The following GPC6 variants were observed in gnomAD, a reference collection of about 807,000 sequenced individuals.
GPC6 encodes the protein glypican 6.
A neutral mutation model predicts 55.2 loss-of-function variants in GPC6; 14 were observed. That is an observed-to-expected ratio of 0.25 (90% confidence interval 0.17 to 0.40). GPC6 has a LOEUF of 0.40. GPC6 is among the 10% of genes least tolerant of loss of function. The pLI, the probability that GPC6 is intolerant of heterozygous loss-of-function variation, is 1.00. For synonymous variants in GPC6, 278 were observed against 259.6 expected (o/e 1.07, Z -0.68); for missense variants, 641 against 708.5 (o/e 0.90, Z 1.08).
intron 3 of GPC6, among the ~76,000 whole-genome samples, chr13:93,956,280 A>G (rs1879504789): frequency 6.6e-6 from 1 of 152,088 alleles, no homozygotes; most frequent in African/African-American, 2.4e-5. Context: ...ATAGTACATA[A>G]TACATAATAC....
At chr13:93,573,410 C>T (rs145494891) in intron 2 of GPC6, among the ~76,000 whole-genome samples, 2 of 152,112 alleles carry the variant, frequency 1.3e-5, no homozygotes, top group East Asian at 1.9e-4. Context: ...TATTTGTAGA[C>T]TGTATGGTGG....
chr13:94,014,881 A>G (rs1190198738), intron 3 of GPC6, among the ~76,000 whole-genome samples: 4 of 152,156 alleles, frequency 2.6e-5, no homozygotes, highest in African/African-American at 9.7e-5. Context: ...ATTCCTTTTA[A>G]TTGGTGAATA....
chr13:94,096,506 T>C (rs554010246), intron 4 of GPC6, among the ~76,000 whole-genome samples: 2 of 152,312 alleles, frequency 1.3e-5, no homozygotes, highest in African/African-American at 4.8e-5. Context: ...TTATCACATA[T>C]GATTTTTTTC....
chr13:94,244,002 A>G (rs1891127714), intron 4 of GPC6, among the ~76,000 whole-genome samples: 1 of 152,166 alleles, frequency 6.6e-6, no homozygotes, highest in Non-Finnish European at 1.5e-5. Flanking sequence ...ATTATTTTCT[A>G]AAAAGTAAAA....
intron 4 of GPC6, among the ~76,000 whole-genome samples, chr13:94,042,822 C>T (rs1883589218): frequency 6.6e-6 from 1 of 151,882 alleles, no homozygotes; most frequent in African/African-American, 2.4e-5. Flanking sequence ...GTAGTATTTG[C>T]ATACTGGTGA....
At chr13:93,519,099 A>G (rs1049467405) in intron 1 of GPC6, among the ~76,000 whole-genome samples, 6 of 152,024 alleles carry the variant, frequency 3.9e-5, no homozygotes, top group African/African-American at 1.4e-4. Context: ...AGCCTAAAGT[A>G]TTTTTCTAAA....
chr13:93,523,115 G>T (rs1881489508), intron 1 of GPC6, among the ~76,000 whole-genome samples: 1 of 148,808 alleles, frequency 6.7e-6, no homozygotes, highest in South Asian at 2.1e-4. Context: ...ACACACGTGT[G>T]TATATATGTA....
At chr13:94,138,296 T>G (rs1401296355) in intron 4 of GPC6, among the ~76,000 whole-genome samples, 2 of 152,208 alleles carry the variant, frequency 1.3e-5, no homozygotes, top group Admixed American at 1.3e-4. Flanking sequence ...ATAAGGGATA[T>G]TCAAACTGTA....
At chr13:94,180,916 A>G (rs1295902509) in intron 4 of GPC6, among the ~76,000 whole-genome samples, 1 of 152,028 alleles carries the variant, frequency 6.6e-6, no homozygotes, top group Non-Finnish European at 1.5e-5. Flanking sequence ...GACTGAAACA[A>G]GGAGGCTTTA....
intron 1 of GPC6, among the ~76,000 whole-genome samples, chr13:93,419,824 A>G (rs901882222): frequency 6.6e-6 from 1 of 152,122 alleles, no homozygotes; most frequent in Non-Finnish European, 1.5e-5. Flanking sequence ...CTGTTTCTAC[A>G]TTAAACGTTT....
intron 3 of GPC6, among the ~76,000 whole-genome samples, chr13:93,965,102 GTTTGTTTTTTTTTT>G (rs1366299908): frequency 4.4e-5 from 5 of 113,336 alleles, no homozygotes; most frequent in Admixed American, 4.0e-4. Context: ...AACACTATGA[GTTTGTTTTTTTTTT>G]TTTTTTTTTT....
At chr13:93,355,109 C>G (rs1232325400) in intron 1 of GPC6, among the ~76,000 whole-genome samples, 1 of 152,188 alleles carries the variant, frequency 6.6e-6, no homozygotes, top group African/African-American at 2.4e-5. Flanking sequence ...AAAATATAAG[C>G]AGCCATTATT....
chr13:94,129,080 A>G (rs1886923904), intron 4 of GPC6, among the ~76,000 whole-genome samples: 1 of 152,158 alleles, frequency 6.6e-6, no homozygotes, highest in African/African-American at 2.4e-5. Context: ...GAAGTTATTA[A>G]ATTGTGGCAT....
intron 3 of GPC6, among the ~76,000 whole-genome samples, chr13:93,952,854 G>A (rs1054945787): frequency 4.9e-5 from 7 of 144,208 alleles, no homozygotes; most frequent in African/African-American, 5.1e-5. Flanking sequence ...ATATATATAC[G>A]TATATATATG....
chr13:93,629,359 A>G (rs1350322162), intron 2 of GPC6, among the ~76,000 whole-genome samples: 3 of 152,274 alleles, frequency 2.0e-5, no homozygotes, highest in East Asian at 3.9e-4. Flanking sequence ...TTGAATGATT[A>G]TACTTATTAT....
At chr13:93,617,791 C>A (rs1479057673) in intron 2 of GPC6, among the ~76,000 whole-genome samples, 1 of 152,054 alleles carries the variant, frequency 6.6e-6, no homozygotes, top group Non-Finnish European at 1.5e-5. Flanking sequence ...ACTCTATAAC[C>A]TATTTGCTCT....
At chr13:93,865,697 C>T (rs1458117236) in intron 3 of GPC6, among the ~76,000 whole-genome samples, 1 of 151,668 alleles carries the variant, frequency 6.6e-6, no homozygotes, top group Non-Finnish European at 1.5e-5. Context: ...TTCTCATGCC[C>T]TGCAACTTTC....
At chr13:94,141,464 A>G (rs1450817505) in intron 4 of GPC6, among the ~76,000 whole-genome samples, 3 of 152,060 alleles carry the variant, frequency 2.0e-5, no homozygotes, top group Non-Finnish European at 2.9e-5. Context: ...CCATTTCGTT[A>G]GTCTGATGAT....
intron 2 of GPC6, among the ~76,000 whole-genome samples, chr13:93,791,534 C>T (rs1886034884): frequency 6.6e-6 from 1 of 152,150 alleles, no homozygotes; most frequent in African/African-American, 2.4e-5. Flanking sequence ...AAAAATATGA[C>T]TAGATAGTAT....
Sources: allele counts gnomAD v4.1 joint callset (sites outside exome capture counted in the v4.1 genomes callset), GRCh38; gene constraint gnomAD v4.1.1; transcripts MANE v1.5; gene names NCBI Gene and HGNC (gene_info 2026-07-23, HGNC 2026-07-21).